Variants in FAM228B observed in about 807,000 individuals in gnomAD.
FAM228B encodes protein FAM228B.
Under a neutral mutation model 42.6 loss-of-function variants are expected in FAM228B, and 38 were observed. That is an observed-to-expected ratio of 0.89 (90% CI 0.69 to 1.17). The LOEUF is 1.17. FAM228B is among the 50% of genes most tolerant of loss of function. The probability of loss-of-function intolerance (pLI) is 0.00; values close to 1 mark genes in which losing one functional copy is unlikely to be tolerated. For synonymous variants in FAM228B, 109 were observed against 122.3 expected (o/e 0.89, Z 0.72); for missense variants, 344 against 367.3 (o/e 0.94, Z 0.52).
chr2:24,145,750 A>G (rs1188925765), intron 5 of FAM228B, among the ~76,000 whole-genome samples: 2 of 147,054 alleles, frequency 1.4e-5, no homozygotes, highest in Admixed American at 7.0e-5. Flanking sequence ...CTGTCGCCCA[A>G]GTGGAGTGCA....
chr2:24,162,338 A>T (rs1667305453), intron 8 of FAM228B, among the ~76,000 whole-genome samples: 1 of 152,216 alleles, frequency 6.6e-6, no homozygotes, highest in African/African-American at 2.4e-5. Context: ...AATGGTACAT[A>T]CTATCAAATA....
intron 3 of FAM228B, among the ~76,000 whole-genome samples, chr2:24,112,458 G>A (rs1665814312): frequency 1.3e-5 from 2 of 152,030 alleles, no homozygotes; most frequent in Middle Eastern, 6.8e-3. Flanking sequence ...CTGCTATGAC[G>A]CCCAGCTCAT....
intron 2 of FAM228B, among the ~76,000 whole-genome samples, chr2:24,132,344 A>G (rs1666473608): frequency 6.6e-6 from 1 of 152,126 alleles, no homozygotes; most frequent in Admixed American, 6.6e-5. Flanking sequence ...GGCCTCATAC[A>G]ATGAGTTAGG....
intron 9 of FAM228B, 36 bp from the exon 10 acceptor site, chr2:24,167,591 A>G (rs1436359026): frequency 1.3e-6 from 2 of 1,551,212 alleles, no homozygotes; most frequent in South Asian, 1.2e-5. Context: ...CCAGTCTCGT[A>G]TAACATAATG....
intron 3 of FAM228B, among the ~76,000 whole-genome samples, chr2:24,114,933 A>C (rs2151001429): frequency 6.6e-6 from 1 of 152,280 alleles, no homozygotes; most frequent in Admixed American, 6.5e-5. Flanking sequence ...ATTTTTGAGA[A>C]GGCCTTTCCA....
At chr2:24,086,250 A>G (rs959761263) in intron 2 of FAM228B, among the ~76,000 whole-genome samples, 1 of 151,724 alleles carries the variant, frequency 6.6e-6, no homozygotes, top group Non-Finnish European at 1.5e-5. Flanking sequence ...AAAAAAAAAA[A>G]AAGGAATTTT....
At chr2:24,123,600 TC>T (rs1281739309) in intron 1 of FAM228B, 67 bp downstream of exon 1, 14 of 151,822 alleles carry the variant, frequency 9.2e-5, no homozygotes, top group Admixed American at 9.2e-4. Context: ...GTCGGACGGC[TC>T]CGGGGTCGTC....
At chr2:24,139,566 T>A (rs17046125) in intron 5 of FAM228B, 116 bp downstream of exon 5, 7,468 of 499,972 alleles carry the variant, frequency 0.015, 87 homozygotes, top group Admixed American at 0.02. Flanking sequence ...ATTTTAAGCA[T>A]AGTTTCCCAT....
At chr2:24,155,715 AT>A (rs1667126395) in intron 7 of FAM228B, among the ~76,000 whole-genome samples, 1 of 150,930 alleles carries the variant, frequency 6.6e-6, no homozygotes, top group Middle Eastern at 3.2e-3. Flanking sequence ...TAATTTTTGT[AT>A]TTTTGTTAGA....
intron 3 of FAM228B, chr2:24,096,560 A>C (rs994108979): frequency 9.4e-5 from 14 of 149,086 alleles, no homozygotes; most frequent in African/African-American, 3.4e-4. Context: ...TAATGAAATA[A>C]AGCAAATAAG....
intron 8 of FAM228B, among the ~76,000 whole-genome samples, chr2:24,163,367 G>C (rs996001432): frequency 3.9e-5 from 6 of 152,194 alleles, no homozygotes; most frequent in Non-Finnish European, 8.8e-5. Context: ...CAGCTGGGGA[G>C]GGCGTTGGCC....
intron 3 of FAM228B, among the ~76,000 whole-genome samples, chr2:24,118,379 GC>G (rs928554070): frequency 6.6e-6 from 1 of 152,136 alleles, no homozygotes; most frequent in Non-Finnish European, 1.5e-5. Flanking sequence ...TTCTCAATTG[GC>G]CCTTTAAGAT....
At chr2:24,086,460 T>TA (rs886360723) in intron 2 of FAM228B, among the ~76,000 whole-genome samples, 6 of 151,810 alleles carry the variant, frequency 4.0e-5, no homozygotes, top group African/African-American at 9.7e-5. Context: ...CACAATTGGT[T>TA]AAAAAAAATG....
intron 3 of FAM228B, among the ~76,000 whole-genome samples, chr2:24,104,098 C>G (rs1665660834): frequency 6.6e-6 from 1 of 152,198 alleles, no homozygotes; most frequent in Non-Finnish European, 1.5e-5. Context: ...TAGAGGAACA[C>G]AGAGTGCAGA....
chr2:24,127,338 T>TC (rs1666340041), intron 2 of FAM228B, among the ~76,000 whole-genome samples: 1 of 152,386 alleles, frequency 6.6e-6, no homozygotes, highest in South Asian at 2.1e-4. Context: ...GTTTATCCCT[T>TC]CATCAGTGGA....
chr2:24,167,127 A>G (rs1667438199), intron 9 of FAM228B, among the ~76,000 whole-genome samples: 1 of 152,194 alleles, frequency 6.6e-6, no homozygotes, highest in Admixed American at 6.5e-5. Context: ...CTGCCGCATA[A>G]GCAACTGCTG....
chr2:24,147,229 A>G, intron 7 of FAM228B, 143 bp downstream of exon 7: 1 of 555,638 alleles, frequency 1.8e-6, no homozygotes. Context: ...TGAAAATTTC[A>G]TTTTTCAATG....
intron 8 of FAM228B, among the ~76,000 whole-genome samples, chr2:24,163,363 G>A (rs1667326277): frequency 6.6e-6 from 1 of 152,182 alleles, no homozygotes; most frequent in Non-Finnish European, 1.5e-5. Flanking sequence ...ATGACAGCTG[G>A]GGAGGGCGTT....
chr2:24,100,886 G>A (rs1355334680), intron 3 of FAM228B, among the ~76,000 whole-genome samples: 2 of 152,168 alleles, frequency 1.3e-5, no homozygotes, highest in Non-Finnish European at 2.9e-5. Flanking sequence ...ATGATAGACT[G>A]GAATAAGAAA....
Sources: allele counts gnomAD v4.1 joint callset (sites outside exome capture counted in the v4.1 genomes callset), GRCh38; gene constraint gnomAD v4.1.1; transcripts MANE v1.5; gene names NCBI Gene and HGNC (gene_info 2026-07-23, HGNC 2026-07-21).